The following ACER1 variants were observed in gnomAD, a reference collection of about 807,000 sequenced individuals.
ACER1 encodes alkaline ceramidase 1.
In ACER1, 28 loss-of-function variants were observed where a neutral mutation model predicts 24.9. The observed-to-expected ratio is 1.13, with a 90% CI of 0.83 to 1.54. The LOEUF is 1.54. Among genes scored for constraint, ACER1 ranks in the 40% most tolerant of loss-of-function variants. ACER1 has a pLI of 0.00. For missense variants in ACER1, 352 were observed against 349.3 expected (o/e 1.01, Z -0.06); for synonymous variants, 132 against 131.4 (o/e 1.00, Z -0.03).
chr19:6,348,928 T>C, the ACER1 span, among the ~76,000 whole-genome samples: 1 of 151,748 alleles, frequency 6.6e-6, no homozygotes, highest in Non-Finnish European at 1.5e-5. Context: ...TGGTGGCGGG[T>C]GCCTGTAGTC....
the ACER1 span, chr19:6,343,908 A>T: frequency 6.6e-6 from 1 of 152,290 alleles, no homozygotes; most frequent in African/African-American, 2.4e-5. Flanking sequence ...CCCCTGAGAA[A>T]CTCCCACAAA....
At chr19:6,329,939 C>G (rs1405611000) in intron 1 of ACER1, among the ~76,000 whole-genome samples, 1 of 150,102 alleles carries the variant, frequency 6.7e-6, no homozygotes, top group Non-Finnish European at 1.5e-5. Flanking sequence ...GGCGTGATCT[C>G]AGCTCACTGC....
upstream of ACER1, among the ~76,000 whole-genome samples, chr19:6,334,661 T>G (rs1481566380): frequency 6.6e-6 from 1 of 152,098 alleles, no homozygotes; most frequent in African/African-American, 2.4e-5. Flanking sequence ...TTCCTCTACT[T>G]TAAGCTGTGT....
intron 5 of ACER1, 75 bp from the exon 6 acceptor site, chr19:6,306,957 A>G (rs1315252729): frequency 1.6e-5 from 24 of 1,540,004 alleles, no homozygotes; most frequent in Middle Eastern, 1.9e-4. Context: ...TTTACTTCTC[A>G]TGGCTCTTGA....
At chr19:6,347,111 T>A in the ACER1 span, among the ~76,000 whole-genome samples, 8,771 of 91,780 alleles carry the variant, frequency 0.096, 366 homozygotes, top group African/African-American at 0.16. Flanking sequence ...AAAAAAAAAA[T>A]ATATATATAT....
chr19:6,333,322 C>T (rs117181766), intron 1 of ACER1, 137 bp downstream of exon 1: 14,547 of 640,816 alleles, frequency 0.023, 227 homozygotes, highest in Non-Finnish European at 0.028. Context: ...AGCTGGCACT[C>T]TTTGGCTAAC....
chr19:6,330,137 C>G, intron 1 of ACER1, among the ~76,000 whole-genome samples: 1 of 149,696 alleles, frequency 6.7e-6, no homozygotes. Context: ...TCCCAAAGTG[C>G]TGGGATTACA....
In ACER1 at chr19:6,326,457, G is replaced by T. The variant is rs201275309; in HGVS notation, c.93+7002C>A. On this transcript the variant is annotated intron_variant, in intron 1 of 5. Transcript: ENST00000301452. The stretch of plus-strand genomic sequence containing the variant: ...TTTTTTAATCTTTTGTAGTGATGGG[G>T]TCTTGCTATATTGCCCAGGCTGGTC... 3.6e-4 allele frequency among the ~76,000 whole-genome samples: 55 copies of T among 151,774 alleles called. 2 individuals carry two copies. The East Asian group carries it at 0.01, about 28-fold the overall frequency.
In ACER1 at chr19:6,312,141, T is replaced by C. The variant is rs2144999122; in HGVS notation, c.350+8A>G. On this transcript the variant is annotated splice_region_variant and intron_variant, in intron 3 of 5. Transcript: ENST00000301452. ...CCACCCTGTCCAGATGGCCAGCCCC[T>C]GACCCACCTGTTCCCCCCAAGGAAG... The C allele has an allele frequency of 6.2e-7, 1 of 1,612,916 alleles. No homozygotes were observed. The highest frequency in any genetic ancestry group is 2.2e-5 in the East Asian group (1 of 44,872).
intron 1 of ACER1, among the ~76,000 whole-genome samples, chr19:6,331,125 T>C: frequency 6.8e-6 from 1 of 147,308 alleles, no homozygotes; most frequent in Non-Finnish European, 1.5e-5. Context: ...GTAAAATGTT[T>C]AGGGTCATGC....
intron 1 of ACER1, among the ~76,000 whole-genome samples, chr19:6,328,496 C>CAAAAAA (rs1013111916): frequency 2.7e-4 from 11 of 41,218 alleles, no homozygotes; most frequent in East Asian, 2.2e-3. Context: ...GACTCCATCT[C>CAAAAAA]AAAAAAAAAA....
chr19:6,323,514 C>T lies in ACER1; in HGVS notation c.93+9945G>A, dbSNP rs532725844. On this transcript the variant is annotated intron_variant, in intron 1 of 5. Coordinates refer to ENST00000301452, the MANE Select transcript of ACER1 (RefSeq NM_133492.3). ...CCATCCACGTAAGATGTGACTTGCT[C>T]CTCCTTGCCTTCCACCATGATTGTG... Among the ~76,000 whole-genome samples, 13 of 152,294 alleles carry T rather than the reference C, an allele frequency of 8.5e-5. No homozygotes were observed. In the East Asian group the frequency reaches 1.5e-3, roughly 18 times the overall value.
chr19:6,355,763 C>A, the ACER1 span, among the ~76,000 whole-genome samples: 10 of 141,620 alleles, frequency 7.1e-5, no homozygotes, highest in Admixed American at 6.8e-4. Flanking sequence ...GGGTCAGCCC[C>A]CCACCCGGCC....
chr19:6,343,105 C>T, the ACER1 span, among the ~76,000 whole-genome samples: 67 of 152,174 alleles, frequency 4.4e-4, no homozygotes, highest in African/African-American at 1.5e-3. Flanking sequence ...TTGCCGATTC[C>T]GAGTACTGGT....
At chr19:6,319,134 C>T (rs1383628324) in intron 1 of ACER1, among the ~76,000 whole-genome samples, 4 of 152,048 alleles carry the variant, frequency 2.6e-5, no homozygotes, top group Non-Finnish European at 5.9e-5. Flanking sequence ...TAATAACAGG[C>T]CTGTTATGGG....
At chr19:6,350,622 G>A in the ACER1 span, among the ~76,000 whole-genome samples, 110 of 139,632 alleles carry the variant, frequency 7.9e-4, no homozygotes, top group African/African-American at 2.7e-3. Flanking sequence ...AGGGAGGGAG[G>A]GAAGGAGGGA....
At chr19:6,337,427 T>C (rs1262687788), upstream of ACER1, among the ~76,000 whole-genome samples, 1 of 151,666 alleles carries the variant, frequency 6.6e-6, no homozygotes, top group Non-Finnish European at 1.5e-5. Flanking sequence ...CTACTTTCCA[T>C]TCACGGTAGG....
the ACER1 span, among the ~76,000 whole-genome samples, chr19:6,351,336 A>C: frequency 6.6e-6 from 1 of 152,076 alleles, no homozygotes; most frequent in Non-Finnish European, 1.5e-5. Context: ...ATTGCATTCC[A>C]GCCTGGGCAA....
Position 6,333,461 on chromosome 19 carries a change from T to G in ACER1, c.91A>C (p.Thr31Pro). Residue 31 changes from threonine to proline, a missense_variant and splice_region_variant, in exon 1 of 6, where the codon ACG becomes CCG. Physicochemically the swap from Thr to Pro is conservative, Grantham distance 38. Coordinates refer to ENST00000301452, the MANE Select transcript of ACER1 (RefSeq NM_133492.3). Reference sequence around the variant, plus strand: ...CCTTCACACACCCACGCACTCACCGTGTTGTAGAACTCGGCCACCAGCTCC... The same window carrying G: ...CCTTCACACACCCACGCACTCACCGGGTTGTAGAACTCGGCCACCAGCTCC... ...YSELVAEFYNTFSNIPFFIFG... is the reference protein window; with the variant it reads ...YSELVAEFYNPFSNIPFFIFG... 2 of 1,587,624 alleles carry G rather than the reference T, an allele frequency of 1.3e-6. No individual in the cohort carries two copies. The highest frequency in any genetic ancestry group is 1.7e-6 in the Non-Finnish European group (2 of 1,166,022).
Sources: gnomAD v4.1 joint callset for allele counts (sites outside exome capture counted in the v4.1 genomes callset) on GRCh38, gnomAD v4.1.1 for gene constraint, MANE v1.5 for transcripts, NCBI Gene and HGNC (gene_info 2026-07-23, HGNC 2026-07-21) for gene names.